SLC9A2: variants seen among roughly 807,000 people sequenced by gnomAD.
SLC9A2 encodes sodium/hydrogen exchanger 2.
Under a neutral mutation model 71.7 loss-of-function variants are expected in SLC9A2, and 42 were observed. That is an observed-to-expected ratio of 0.59 (90% CI 0.46 to 0.76). The LOEUF (loss-of-function observed/expected upper bound fraction) is 0.76. SLC9A2 is among the 30% of genes least tolerant of loss of function. The pLI is 0.00. For missense variants in SLC9A2, 829 were observed against 1,017.4 expected, an observed-to-expected ratio of 0.81 and a Z score of 2.52; for synonymous variants, 396 against 392.5, an observed-to-expected ratio of 1.01 and a Z score of -0.10.
rs534683457 is a variant in SLC9A2, at chr2:102,711,348, G to C, written c.*2859G>C. ...CTGTTGGCATTATCCGCTGAGGCTT[G>C]AACACCACGTGCTGATTCTCTCATC... On this transcript the variant is annotated 3_prime_UTR_variant, in exon 12 of 12. Coordinates refer to ENST00000233969, the MANE Select transcript of SLC9A2 (RefSeq NM_003048.6). 2.6e-5 allele frequency: 4 copies of C among 152,456 alleles called. No individual in the cohort carries two copies. The highest frequency in any genetic ancestry group is 2.0e-4 in the Admixed American group (3 of 15,304). 9.4% of individuals were successfully genotyped at this position (152,456 alleles called of 1,614,324 possible). A position where few individuals can be genotyped will look rare whatever the true frequency, so the allele number is the denominator to read the frequency against.
At chr2:102,706,414 A>ACT (rs1677977720) in intron 11 of SLC9A2, among the ~76,000 whole-genome samples, 2 of 151,524 alleles carry the variant, frequency 1.3e-5, no homozygotes, top group African/African-American at 4.8e-5. Flanking sequence ...ATCACACGCC[A>ACT]GGGCCTGTTG....
intron 1 of SLC9A2, among the ~76,000 whole-genome samples, chr2:102,656,568 T>C (rs1287698329): frequency 6.6e-6 from 1 of 152,204 alleles, no homozygotes; most frequent in Non-Finnish European, 1.5e-5. Context: ...ATATCCCTCA[T>C]AGAGTAGTTT....
chr2:102,681,116 T>A (rs1390399135), intron 3 of SLC9A2, among the ~76,000 whole-genome samples: 1 of 152,206 alleles, frequency 6.6e-6, no homozygotes, highest in Non-Finnish European at 1.5e-5. Context: ...AGGAGATGGA[T>A]ACAAACAGGC....
At chr2:102,641,726 G>A (rs980433622) in intron 1 of SLC9A2, among the ~76,000 whole-genome samples, 8 of 152,080 alleles carry the variant, frequency 5.3e-5, no homozygotes, top group African/African-American at 1.9e-4. Flanking sequence ...ATGTCTGTCT[G>A]GGATATTGCT....
intron 3 of SLC9A2, among the ~76,000 whole-genome samples, chr2:102,670,291 C>T (rs1236008430): frequency 6.6e-6 from 1 of 152,002 alleles, no homozygotes; most frequent in Non-Finnish European, 1.5e-5. Context: ...GCTGGGATTA[C>T]AGGCAGGAGC....
intron 2 of SLC9A2, among the ~76,000 whole-genome samples, chr2:102,659,633 G>A (rs1036378633): frequency 2.6e-5 from 4 of 152,102 alleles, no homozygotes; most frequent in Non-Finnish European, 4.4e-5. Flanking sequence ...GATATTTTAA[G>A]ACAGCTAAGT....
intron 5 of SLC9A2, among the ~76,000 whole-genome samples, chr2:102,690,488 T>C (rs1677637901): frequency 6.6e-6 from 1 of 152,114 alleles, no homozygotes; most frequent in Non-Finnish European, 1.5e-5. Flanking sequence ...TGTCACAGGA[T>C]GGTTTTTGTT....
At chr2:102,630,405 T>A (rs950544068) in intron 1 of SLC9A2, among the ~76,000 whole-genome samples, 1 of 152,032 alleles carries the variant, frequency 6.6e-6, no homozygotes, top group Non-Finnish European at 1.5e-5. Context: ...TTTTGTCCTC[T>A]TTTGTTGGTA....
At chr2:102,624,972 C>T (rs778295428) in intron 1 of SLC9A2, among the ~76,000 whole-genome samples, 2 of 152,180 alleles carry the variant, frequency 1.3e-5, no homozygotes, top group Non-Finnish European at 2.9e-5. Flanking sequence ...TCTTTGTCCT[C>T]TGGTTTTCCT....
At chr2:102,669,334 G>A (rs10439404) in intron 3 of SLC9A2, among the ~76,000 whole-genome samples, 29,050 of 152,126 alleles carry the variant, frequency 0.19, 3,192 homozygotes, top group South Asian at 0.34. Flanking sequence ...ATATTCAGAA[G>A]GGTTTTAGAC....
intron 11 of SLC9A2, among the ~76,000 whole-genome samples, chr2:102,706,502 CA>C (rs1222958677): frequency 6.6e-6 from 1 of 152,034 alleles, no homozygotes; most frequent in East Asian, 1.9e-4. Flanking sequence ...TGCAGCACAC[CA>C]ACATGGCACA....
In SLC9A2 at chr2:102,701,190, G is replaced by T. The variant is rs143332304; in HGVS notation, c.1707G>T (p.Glu569Asp). The part of the protein sequence containing the change: ...LEIKHAIEMA[E>D]TGMISTVPTF... ...TAAAACATGCCATTGAGATGGCAGA[G>T]ACTGGGATGATAAGTACTGTCCCTA... The change falls in exon 8 of 12, where the codon GAG becomes GAT. Residue 569 changes from glutamate (E) to aspartate (D), a missense_variant. By Grantham distance (45) the Glu-to-Asp change is conservative. This residue lies in a region of SLC9A2 where 500 missense variants were observed against 726.3 expected (regional missense o/e 0.69). Coordinates refer to ENST00000233969, the MANE Select transcript of SLC9A2 (RefSeq NM_003048.6). 10 of 1,609,990 alleles carry T rather than the reference G, an allele frequency of 6.2e-6. No homozygotes were observed. The African/African-American group carries it at 1.2e-4, about 19-fold the overall frequency.
At chr2:102,656,479 C>G (rs549290029) in intron 1 of SLC9A2, among the ~76,000 whole-genome samples, 9 of 152,178 alleles carry the variant, frequency 5.9e-5, no homozygotes, top group Admixed American at 3.3e-4. Flanking sequence ...CCACACTTTG[C>G]CTTGTATTAG....
chr2:102,690,491 T>A (rs1163262149), intron 5 of SLC9A2, among the ~76,000 whole-genome samples: 1 of 152,118 alleles, frequency 6.6e-6, no homozygotes, highest in Non-Finnish European at 1.5e-5. Context: ...CACAGGATGG[T>A]TTTTGTTTCT....
intron 7 of SLC9A2, among the ~76,000 whole-genome samples, chr2:102,696,589 A>G (rs968984570): frequency 6.6e-6 from 1 of 152,176 alleles, no homozygotes; most frequent in African/African-American, 2.4e-5. Context: ...CACAGCAAGC[A>G]GACTCCTGTG....
At chr2:102,664,728 T>C (rs1381424735) in intron 2 of SLC9A2, among the ~76,000 whole-genome samples, 1 of 152,194 alleles carries the variant, frequency 6.6e-6, no homozygotes, top group Non-Finnish European at 1.5e-5. Flanking sequence ...CACTGTCATA[T>C]TACTTACCAA....
At position 102,648,063 on chromosome 2, in the gene SLC9A2, C is replaced by G. The variant is rs141744988; in HGVS notation, c.290-9501C>G. 7.2e-5 allele frequency among the ~76,000 whole-genome samples: 11 copies of G among 152,308 alleles called. No homozygotes were observed. The East Asian group carries it at 2.1e-3, about 29-fold the overall frequency. ...AAAAAAGAAAATTTCAGGTCAATAT[C>G]CCTGATGAACACTGATGCAAAAATC... On this transcript the variant is annotated intron_variant, in intron 1 of 11. Transcript: ENST00000233969.
At chr2:102,688,943 A>G (rs1677608270) in intron 5 of SLC9A2, among the ~76,000 whole-genome samples, 1 of 152,206 alleles carries the variant, frequency 6.6e-6, no homozygotes, top group Non-Finnish European at 1.5e-5. Context: ...GTTAACCAAA[A>G]TTCAAGAGAT....
chr2:102,688,139 T>C (rs986887030), intron 5 of SLC9A2, among the ~76,000 whole-genome samples: 3 of 152,166 alleles, frequency 2.0e-5, no homozygotes, highest in Non-Finnish European at 4.4e-5. Flanking sequence ...TTCATTTTTT[T>C]CCAATATGAT....
Sources: gnomAD v4.1 joint callset for allele counts (sites outside exome capture counted in the v4.1 genomes callset) on GRCh38, gnomAD v4.1.1 for gene constraint, gnomAD v4.1.1 regional missense constraint, MANE v1.5 for transcripts, NCBI Gene and HGNC (gene_info 2026-07-23, HGNC 2026-07-21) for gene names.